Variants in USH2A observed in about 807,000 individuals in gnomAD.
USH2A encodes usherin.
USH2A carries 443 observed loss-of-function variants against 538.9 expected under a neutral mutation model. That is an observed-to-expected ratio of 0.82 (90% CI 0.76 to 0.89). The LOEUF (loss-of-function observed/expected upper bound fraction) is 0.89, where lower values mean the gene tolerates loss of function less well. USH2A is among the 40% of genes least tolerant of loss of function. The pLI is 0.00. For synonymous variants in USH2A, 2,413 were observed against 2,273.5 expected, an observed-to-expected ratio of 1.06 and a Z score of -1.75; for missense variants, 6,633 against 6,324.8, an observed-to-expected ratio of 1.05 and a Z score of -1.65.
At position 216,073,181 on chromosome 1, in the gene USH2A, C is replaced by T. The variant is rs758808748; in HGVS notation, c.5692G>A (p.Val1898Ile). The part of the protein sequence containing the change: ...LDGCLSTDSA[V>I]NCRGNDSILV... ...ATGGAGTCATTTCCCCTGCAGTTAACAGCACTGTCAGTTGATAGGCATCCA... is the reference window on the plus strand; with the variant it reads ...ATGGAGTCATTTCCCCTGCAGTTAATAGCACTGTCAGTTGATAGGCATCCA... The change falls in exon 28 of 72, where the codon GTT becomes ATT. Residue 1898 changes from valine to isoleucine, a missense_variant. Physicochemically the swap from Val to Ile is conservative, Grantham distance 29 (BLOSUM62 3). Coordinates refer to ENST00000307340, the MANE Select transcript of USH2A (RefSeq NM_206933.4). 6.2e-7 allele frequency: 1 copy of T among 1,613,822 alleles called. No homozygotes were observed. The highest frequency in any genetic ancestry group is 8.5e-7 in the Non-Finnish European group (1 of 1,179,948).
At chr1:216,023,224 C>T (rs1668880245) in intron 32 of USH2A, among the ~76,000 whole-genome samples, 1 of 151,924 alleles carries the variant, frequency 6.6e-6, no homozygotes, top group Non-Finnish European at 1.5e-5. Flanking sequence ...TGTTTACCTA[C>T]ATCCACTTCA....
rs563559177 is a variant in USH2A, at chr1:216,189,290, T to C, written c.4396+933A>G. Among the ~76,000 whole-genome samples, 3 of 151,942 alleles carry C rather than the reference T, an allele frequency of 2.0e-5. No homozygotes were observed. The East Asian group carries it at 5.8e-4, about 30-fold the overall frequency. On this transcript the variant is annotated intron_variant, in intron 20 of 71. Coordinates refer to ENST00000307340, the MANE Select transcript of USH2A (RefSeq NM_206933.4). ...AACCAGAAAAAAAACCCTACATAAT[T>C]GGACCTATTAATAATAGGATGAAGG...
intron 20 of USH2A, among the ~76,000 whole-genome samples, chr1:216,182,566 T>C (rs2034515477): frequency 6.6e-6 from 1 of 152,074 alleles, no homozygotes; most frequent in African/African-American, 2.4e-5. Context: ...AATTTTGTTT[T>C]GTTAGAAATA....
chr1:216,261,502 A>G (rs2036371452), intron 11 of USH2A, among the ~76,000 whole-genome samples: 1 of 151,828 alleles, frequency 6.6e-6, no homozygotes, highest in Non-Finnish European at 1.5e-5. Flanking sequence ...TTAGAAGAGA[A>G]AGATAAGAAA....
intron 61 of USH2A, among the ~76,000 whole-genome samples, chr1:215,699,058 C>G (rs534720603): frequency 6.6e-6 from 1 of 152,178 alleles, no homozygotes; most frequent in Admixed American, 6.5e-5. Context: ...TTTCCCAACA[C>G]TGTTTATTAA....
At chr1:216,122,504 G>T (rs1053009718) in intron 21 of USH2A, among the ~76,000 whole-genome samples, 2 of 152,162 alleles carry the variant, frequency 1.3e-5, no homozygotes, top group Non-Finnish European at 2.9e-5. Context: ...AGTCGAGGGT[G>T]CAGCCTGGTA....
chr1:216,025,487 A>G (rs1668941679), intron 32 of USH2A, among the ~76,000 whole-genome samples: 1 of 152,050 alleles, frequency 6.6e-6, no homozygotes, highest in South Asian at 2.1e-4. Flanking sequence ...TTTATTTACA[A>G]CATATCTTTT....
At chr1:215,778,202 C>A (rs961498025) in intron 55 of USH2A, among the ~76,000 whole-genome samples, 2 of 152,066 alleles carry the variant, frequency 1.3e-5, no homozygotes, top group African/African-American at 2.4e-5. Flanking sequence ...CAGATGCACA[C>A]CACCATGCCC....
At chr1:215,775,046 G>C (rs1661421940) in intron 55 of USH2A, among the ~76,000 whole-genome samples, 1 of 152,012 alleles carries the variant, frequency 6.6e-6, no homozygotes, top group Admixed American at 6.6e-5. Context: ...TAACTGGGGG[G>C]AATGCAGCCT....
intron 4 of USH2A, among the ~76,000 whole-genome samples, chr1:216,340,737 G>A (rs1447851342): frequency 6.6e-6 from 1 of 151,960 alleles, no homozygotes; most frequent in Non-Finnish European, 1.5e-5. Flanking sequence ...CAGAACCAAT[G>A]ACAAAATCAC....
At chr1:216,107,258 T>C (rs1451326689) in intron 21 of USH2A, among the ~76,000 whole-genome samples, 1 of 151,798 alleles carries the variant, frequency 6.6e-6, no homozygotes, top group African/African-American at 2.4e-5. Context: ...GAAGGGAATT[T>C]GTCTATTTTG....
At chr1:216,281,665 G>C (rs1263026401) in intron 11 of USH2A, among the ~76,000 whole-genome samples, 1 of 152,002 alleles carries the variant, frequency 6.6e-6, no homozygotes, top group Non-Finnish European at 1.5e-5. Context: ...ATGTGGCATT[G>C]ACATTCACCA....
At chr1:215,759,568 T>G in intron 57 of USH2A, 92 bp downstream of exon 57, 2 of 1,512,902 alleles carry the variant, frequency 1.3e-6, no homozygotes, top group Non-Finnish European at 1.8e-6. Flanking sequence ...ATTAAACAAT[T>G]TAACAACTTT....
intron 22 of USH2A, 108 bp from the exon 23 acceptor site, chr1:216,089,247 T>TACAA: frequency 8.4e-7 from 1 of 1,190,032 alleles, no homozygotes; most frequent in Middle Eastern, 2.0e-4. Flanking sequence ...ATGATCCTGA[T>TACAA]ACAAGCATGC....
intron 47 of USH2A, among the ~76,000 whole-genome samples, chr1:215,836,560 TA>T (rs1352943614): frequency 0.18 from 3,992 of 22,228 alleles, 603 homozygotes; most frequent in African/African-American, 0.32. Flanking sequence ...TATATATATA[TA>T]TATATTTTTT....
intron 32 of USH2A, among the ~76,000 whole-genome samples, chr1:216,016,249 G>A (rs754496669): frequency 2.6e-5 from 4 of 151,914 alleles, no homozygotes; most frequent in African/African-American, 7.3e-5. Context: ...TGTAAATGAC[G>A]AGTTAACAAG....
Position 215,799,099 on chromosome 1 carries a change from G to T in USH2A, c.9766C>A (p.His3256Asn). 1 of 1,613,988 alleles carries T rather than the reference G, an allele frequency of 6.2e-7. No homozygotes were observed. The highest frequency in any genetic ancestry group is 1.1e-5 in the South Asian group (1 of 91,084). Residue 3256 changes from histidine (H) to asparagine (N), a missense_variant, in exon 50 of 72, where the codon CAC becomes AAC. Physicochemically the swap from His to Asn is moderately conservative, Grantham distance 68. Coordinates refer to ENST00000307340, the MANE Select transcript of USH2A (RefSeq NM_206933.4). Reference protein sequence around the residue: ...PGEVCCPDEQHNRVSVGIGDS... With the variant: ...PGEVCCPDEQNNRVSVGIGDS... Reference sequence around the variant, plus strand: ...CCAATGCCAACAGAAACCCGATTGTGCTGTTCATCTGGACAGCATACTTCA... The same window carrying T: ...CCAATGCCAACAGAAACCCGATTGTTCTGTTCATCTGGACAGCATACTTCA...
intron 35 of USH2A, among the ~76,000 whole-genome samples, chr1:215,982,768 C>A (rs1667779240): frequency 6.6e-6 from 1 of 152,062 alleles, no homozygotes; most frequent in African/African-American, 2.4e-5. Flanking sequence ...CTTCACAAAA[C>A]TTTCAATCTA....
Position 215,634,605 on chromosome 1 carries a change from C to T in USH2A, c.15151G>A (p.Gly5051Ser). ...LWFIVLMAML[G>S]LILLAIFLSL... ...AGAAAAATGGCCAACAAGATCAAGC[C>T]CAGCATCGCCATTAACACTATGAAC... is the stretch of plus-strand genomic sequence containing the variant. The change falls in exon 70 of 72, where the codon GGC (glycine) becomes AGC (serine). Residue 5051 changes from glycine to serine, a missense_variant. By Grantham distance (56) the Gly-to-Ser change is moderately conservative. Coordinates refer to ENST00000307340, the MANE Select transcript of USH2A (RefSeq NM_206933.4). The T allele has an allele frequency of 6.2e-7, 1 of 1,614,126 alleles. No homozygotes were observed. Among genetic ancestry groups the T allele is most frequent in the Non-Finnish European group, 8.5e-7 (1 of 1,180,040 alleles).
Sources: allele counts gnomAD v4.1 joint callset (sites outside exome capture counted in the v4.1 genomes callset), GRCh38; gene constraint gnomAD v4.1.1; transcripts MANE v1.5; gene names NCBI Gene and HGNC (gene_info 2026-07-23, HGNC 2026-07-21).